Variants in BICD1 observed in about 807,000 individuals in gnomAD.
BICD1 encodes protein bicaudal D homolog 1.
Under a neutral mutation model 92.5 loss-of-function variants are expected in BICD1, and 35 were observed. That is an observed-to-expected ratio of 0.38 (90% CI 0.29 to 0.50). The LOEUF is 0.50. Among genes scored for constraint, BICD1 ranks in the 20% least tolerant of loss-of-function variants. BICD1 has a pLI of 0.93. For missense variants in BICD1, 950 were observed against 1,189.8 expected, an observed-to-expected ratio of 0.80 and a Z score of 2.97; for synonymous variants, 429 against 465.1, an observed-to-expected ratio of 0.92 and a Z score of 1.00.
intron 1 of BICD1, among the ~76,000 whole-genome samples, chr12:32,114,402 G>A (rs1327848227): frequency 6.6e-6 from 1 of 151,814 alleles, no homozygotes; most frequent in Non-Finnish European, 1.5e-5. Flanking sequence ...CTTTTTTTGA[G>A]ATGGGGTCTC....
At chr12:32,134,497 C>T (rs191323505) in intron 1 of BICD1, among the ~76,000 whole-genome samples, 1 of 152,178 alleles carries the variant, frequency 6.6e-6, no homozygotes, top group Admixed American at 6.5e-5. Flanking sequence ...AAAAAAAGAC[C>T]TTCTCTAATG....
At chr12:32,115,080 C>T (rs994052219) in intron 1 of BICD1, among the ~76,000 whole-genome samples, 14 of 151,904 alleles carry the variant, frequency 9.2e-5, no homozygotes, top group Admixed American at 7.9e-4. Context: ...TGGTCTTGAA[C>T]TCCTGGCCTC....
At chr12:32,314,525 A>G (rs1948451970) in intron 4 of BICD1, among the ~76,000 whole-genome samples, 2 of 152,172 alleles carry the variant, frequency 1.3e-5, no homozygotes, top group Non-Finnish European at 1.5e-5. Context: ...CTTGATGGCT[A>G]TGATGTTGAG....
chr12:32,153,416 G>T (rs1348564688), intron 1 of BICD1, among the ~76,000 whole-genome samples: 2 of 152,076 alleles, frequency 1.3e-5, no homozygotes, highest in African/African-American at 2.4e-5. Context: ...AGAGTGGTTT[G>T]TTTTCTTACG....
At chr12:32,299,216 A>T (rs756711755) in intron 3 of BICD1, among the ~76,000 whole-genome samples, 1 of 152,244 alleles carries the variant, frequency 6.6e-6, no homozygotes. Context: ...TGCCATAAGG[A>T]ATCCTAATAA....
chr12:32,288,534 A>T (rs951293033), intron 2 of BICD1, among the ~76,000 whole-genome samples: 2 of 151,930 alleles, frequency 1.3e-5, no homozygotes, highest in Non-Finnish European at 1.5e-5. Context: ...ACAGGCATGA[A>T]CCACTGTGCC....
chr12:32,283,030 T>C (rs971145814), intron 2 of BICD1, among the ~76,000 whole-genome samples: 1 of 152,182 alleles, frequency 6.6e-6, no homozygotes, highest in Non-Finnish European at 1.5e-5. Context: ...TGCAGTAGAA[T>C]GGAAGCAACT....
At chr12:32,164,176 T>A (rs140278455) in intron 1 of BICD1, among the ~76,000 whole-genome samples, 40 of 152,330 alleles carry the variant, frequency 2.6e-4, no homozygotes, top group African/African-American at 8.7e-4. Context: ...TACTTTCAAC[T>A]TTACCTAGAC....
intron 8 of BICD1, among the ~76,000 whole-genome samples, chr12:32,361,379 C>T (rs1354157374): frequency 2.0e-5 from 3 of 151,694 alleles, no homozygotes; most frequent in Admixed American, 2.0e-4. Flanking sequence ...ATGGTGAAAC[C>T]CCATCTCCAC....
At chr12:32,304,492 T>C (rs2136215922) in intron 3 of BICD1, among the ~76,000 whole-genome samples, 1 of 152,288 alleles carries the variant, frequency 6.6e-6, no homozygotes, top group Middle Eastern at 3.4e-3. Flanking sequence ...ACTGAAGCAC[T>C]ATGAGGAGCA....
chr12:32,194,351 G>A (rs1380293710), intron 1 of BICD1, among the ~76,000 whole-genome samples: 1 of 152,110 alleles, frequency 6.6e-6, no homozygotes, highest in Non-Finnish European at 1.5e-5. Context: ...GTCCTAGCTA[G>A]AGCAATTAGG....
In BICD1 at chr12:32,212,396, G is replaced by A. The variant is rs150028841; in HGVS notation, c.214-3851G>A. On this transcript the variant is annotated intron_variant, in intron 1 of 9. Transcript: ENST00000652176. ...GCCTAATCTTTTCATAGATGATAGC[G>A]TAGCCCAGAAGCAATATGCTGTGAC... 1.7e-3 allele frequency among the ~76,000 whole-genome samples: 256 copies of A among 152,210 alleles called. 2 individuals carry two copies. The highest frequency in any genetic ancestry group is 5.6e-3 in the African/African-American group (233 of 41,550).
intron 8 of BICD1, chr12:32,353,252 T>A (rs1274177189): frequency 1.3e-5 from 2 of 152,204 alleles, no homozygotes; most frequent in African/African-American, 4.8e-5. Context: ...TGAAAATGAA[T>A]AAGCATCTTC....
At chr12:32,155,257 A>AG (rs1943405135) in intron 1 of BICD1, among the ~76,000 whole-genome samples, 1 of 152,190 alleles carries the variant, frequency 6.6e-6, no homozygotes, top group Non-Finnish European at 1.5e-5. Flanking sequence ...GTTATTACCC[A>AG]GGGGCATTTC....
At chr12:32,257,741 T>C (rs1487737439) in intron 2 of BICD1, among the ~76,000 whole-genome samples, 2 of 152,204 alleles carry the variant, frequency 1.3e-5, no homozygotes, top group African/African-American at 2.4e-5. Context: ...CGGAAATTAC[T>C]ATCCACAGTA....
At chr12:32,197,023 C>CT (rs1277860754) in intron 1 of BICD1, among the ~76,000 whole-genome samples, 4,438 of 143,960 alleles carry the variant, frequency 0.031, 198 homozygotes, top group African/African-American at 0.095. Flanking sequence ...CAAGATTTTA[C>CT]TTTTTTTTTT....
chr12:32,133,625 AT>A (rs1942632759), intron 1 of BICD1, among the ~76,000 whole-genome samples: 1 of 152,192 alleles, frequency 6.6e-6, no homozygotes, highest in African/African-American at 2.4e-5. Flanking sequence ...GCTACCTTTC[AT>A]GATGCATATT....
At chr12:32,306,467 A>T (rs1433290012) in intron 4 of BICD1, among the ~76,000 whole-genome samples, 2 of 151,772 alleles carry the variant, frequency 1.3e-5, no homozygotes, top group Admixed American at 6.6e-5. Context: ...GATGGTCTCG[A>T]TCTCCTGACT....
At chr12:32,326,352 G>A (rs918957657) in intron 4 of BICD1, among the ~76,000 whole-genome samples, 1 of 152,002 alleles carries the variant, frequency 6.6e-6, no homozygotes, top group African/African-American at 2.4e-5. Context: ...CCATATGGAA[G>A]GAGAGAAAAT....
Sources: allele counts gnomAD v4.1 joint callset (sites outside exome capture counted in the v4.1 genomes callset), GRCh38; gene constraint gnomAD v4.1.1; transcripts MANE v1.5; gene names NCBI Gene and HGNC (gene_info 2026-07-23, HGNC 2026-07-21).